AGBL4: variants seen among roughly 807,000 people sequenced by gnomAD.
AGBL4 encodes the protein AGBL carboxypeptidase 4, also known as cytosolic carboxypeptidase 6.
Under a neutral mutation model 66.4 loss-of-function variants are expected in AGBL4, and 58 were observed. The ratio of observed to expected loss-of-function variants is 0.87; its 90% CI spans 0.71 to 1.09. The LOEUF (loss-of-function observed/expected upper bound fraction) is 1.09, where lower values mean the gene tolerates loss of function less well. Ranked by LOEUF, AGBL4 falls within the 50% of genes least tolerant of loss-of-function variation. The probability of loss-of-function intolerance (pLI) is 0.00; values close to 1 mark genes in which losing one functional copy is unlikely to be tolerated. For missense variants in AGBL4, 579 were observed against 631.0 expected (o/e 0.92, Z 0.88); for synonymous variants, 234 against 222.9 (o/e 1.05, Z -0.44).
intron 3 of AGBL4, among the ~76,000 whole-genome samples, chr1:49,379,562 T>G (rs558635215): frequency 6.6e-6 from 1 of 152,284 alleles, no homozygotes; most frequent in Non-Finnish European, 1.5e-5. Context: ...CATCAATACC[T>G]AATTTATTGA....
At position 48,823,798 on chromosome 1, in the gene AGBL4, T is replaced by G. The variant is rs12088348; in HGVS notation, c.634+43393A>C. The stretch of plus-strand genomic sequence containing the variant: ...TACCAAAGCATGTGTAATGCATGGA[T>G]GAATAATTGAACAAATGAATGTTGA... On this transcript the variant is annotated intron_variant, in intron 6 of 13. Coordinates refer to ENST00000371839, the MANE Select transcript of AGBL4 (RefSeq NM_032785.4). Among the ~76,000 whole-genome samples, 300 of 152,362 alleles carry G rather than the reference T, an allele frequency of 2.0e-3. 5 individuals carry two copies. Among genetic ancestry groups the G allele is most frequent in the African/African-American group, 6.7e-3 (277 of 41,580 alleles).
At position 48,723,749 on chromosome 1, in the gene AGBL4, TA is replaced by T. The variant is rs531186523; in HGVS notation, c.635-60509del. ...CACCTATTAAGTGGGCAAAATAATTTAAAAAGTGGTCACACCCATTATATAT... is the reference window on the plus strand; with the variant it reads ...CACCTATTAAGTGGGCAAAATAATTTAAAAGTGGTCACACCCATTATATAT... On this transcript the variant is annotated intron_variant, in intron 6 of 13. Transcript: ENST00000371839. Among the ~76,000 whole-genome samples the T allele has an allele frequency of 6.5e-4, 99 of 152,330 alleles. 1 individual carries two copies. In the South Asian group the frequency reaches 8.7e-3, roughly 13 times the overall value.
intron 11 of AGBL4, among the ~76,000 whole-genome samples, chr1:48,545,885 A>G (rs1644150897): frequency 6.6e-6 from 1 of 152,202 alleles, no homozygotes; most frequent in Non-Finnish European, 1.5e-5. Context: ...TTTACTGTTC[A>G]TTCTCATTCA....
intron 6 of AGBL4, among the ~76,000 whole-genome samples, chr1:48,723,855 C>A (rs1647187494): frequency 6.6e-6 from 1 of 152,130 alleles, no homozygotes; most frequent in African/African-American, 2.4e-5. Context: ...GAAAAATCTT[C>A]ATCTGGGTTT....
chr1:49,938,437 T>C (rs1571912506), intron 1 of AGBL4, among the ~76,000 whole-genome samples: 1 of 152,316 alleles, frequency 6.6e-6, no homozygotes, highest in East Asian at 1.9e-4. Flanking sequence ...ACTGGTACCA[T>C]TCTTTCTGAA....
intron 4 of AGBL4, among the ~76,000 whole-genome samples, chr1:49,095,364 C>A (rs1645076730): frequency 6.6e-6 from 1 of 152,152 alleles, no homozygotes; most frequent in East Asian, 1.9e-4. Flanking sequence ...CAAAAACGAG[C>A]CCACATTGCC....
At chr1:49,362,857 G>A (rs1033919913) in intron 3 of AGBL4, among the ~76,000 whole-genome samples, 23 of 152,164 alleles carry the variant, frequency 1.5e-4, no homozygotes, top group African/African-American at 4.8e-4. Context: ...TCTGAGACAA[G>A]AGAAAATGTC....
At chr1:49,146,020 C>A (rs1646210720) in intron 4 of AGBL4, among the ~76,000 whole-genome samples, 1 of 152,096 alleles carries the variant, frequency 6.6e-6, no homozygotes, top group Non-Finnish European at 1.5e-5. Context: ...AGACAAGCAT[C>A]ACATATACTC....
At chr1:49,609,125 C>T (rs1645109856) in intron 3 of AGBL4, among the ~76,000 whole-genome samples, 2 of 152,050 alleles carry the variant, frequency 1.3e-5, no homozygotes, top group African/African-American at 2.4e-5. Context: ...AGAAAAGGTC[C>T]GCATTGTAAC....
Position 49,532,305 on chromosome 1 carries a change from G to A in AGBL4, c.282+165008C>T, listed in dbSNP as rs918428991. On this transcript the variant is annotated intron_variant, in intron 3 of 13. Coordinates refer to ENST00000371839, the MANE Select transcript of AGBL4 (RefSeq NM_032785.4). ...TTTTATTATATTATGCTGCAGTATA[G>A]CCTAGTTTGTCCTGATGATTACATA... 3.3e-5 allele frequency among the ~76,000 whole-genome samples: 5 copies of A among 152,234 alleles called. No individual in the cohort carries two copies. In the East Asian group the frequency reaches 9.6e-4, roughly 29 times the overall value.
chr1:49,465,827 A>G (rs1185118550), intron 3 of AGBL4, among the ~76,000 whole-genome samples: 1 of 151,870 alleles, frequency 6.6e-6, no homozygotes, highest in Non-Finnish European at 1.5e-5. Flanking sequence ...TCTGATGTTT[A>G]TTCCCCTCAA....
rs895154175 is a variant in AGBL4 at position 49,280,815 on chromosome 1, A to G, written c.283-34951T>C. 2.6e-5 allele frequency among the ~76,000 whole-genome samples: 4 copies of G among 152,346 alleles called. No individual in the cohort carries two copies. In the East Asian group the frequency reaches 7.7e-4, roughly 29 times the overall value. Reference sequence around the variant, plus strand: ...CTGAGGTTACACAGATCAGACATACATTGTTCTTGTCTTCAAATACTTTAC... The same window carrying G: ...CTGAGGTTACACAGATCAGACATACGTTGTTCTTGTCTTCAAATACTTTAC... On this transcript the variant is annotated intron_variant, in intron 3 of 13. Coordinates refer to ENST00000371839, the MANE Select transcript of AGBL4 (RefSeq NM_032785.4).
chr1:48,749,391 T>C (rs930912108), intron 6 of AGBL4, among the ~76,000 whole-genome samples: 13 of 152,166 alleles, frequency 8.5e-5, no homozygotes, highest in African/African-American at 3.1e-4. Flanking sequence ...AACACGTGTT[T>C]AGCGAAAGAA....
At chr1:50,016,591 C>T (rs926650953) in intron 1 of AGBL4, among the ~76,000 whole-genome samples, 11 of 151,928 alleles carry the variant, frequency 7.2e-5, no homozygotes, top group African/African-American at 9.7e-5. Flanking sequence ...TAATAAAAAG[C>T]GGGCAAAGGA....
chr1:48,722,057 CAG>C (rs976716830), intron 6 of AGBL4, among the ~76,000 whole-genome samples: 10 of 135,296 alleles, frequency 7.4e-5, no homozygotes, highest in Non-Finnish European at 1.1e-4. Flanking sequence ...ATAAGAGGAA[CAG>C]AGAGAGAGAA....
chr1:49,239,307 A>G (rs1251310411), intron 4 of AGBL4, among the ~76,000 whole-genome samples: 1 of 152,192 alleles, frequency 6.6e-6, no homozygotes, highest in Non-Finnish European at 1.5e-5. Context: ...TTTGGAGAAC[A>G]TGTATAACAG....
chr1:48,563,239 C>A (rs914094854), intron 11 of AGBL4, among the ~76,000 whole-genome samples: 3 of 152,206 alleles, frequency 2.0e-5, no homozygotes, highest in Admixed American at 1.3e-4. Flanking sequence ...TAATTAGCAT[C>A]ACTAGCAGCA....
intron 3 of AGBL4, among the ~76,000 whole-genome samples, chr1:49,584,346 T>G (rs186424020): frequency 6.6e-6 from 1 of 152,222 alleles, no homozygotes; most frequent in Non-Finnish European, 1.5e-5. Flanking sequence ...TTAAACGTCA[T>G]CTGGTATACC....
intron 4 of AGBL4, among the ~76,000 whole-genome samples, chr1:49,088,620 C>A (rs1044382414): frequency 6.6e-6 from 1 of 152,104 alleles, no homozygotes; most frequent in Non-Finnish European, 1.5e-5. Flanking sequence ...TAGAGACCTA[C>A]AAAGAGACTT....
Sources: gnomAD v4.1 joint callset for allele counts (sites outside exome capture counted in the v4.1 genomes callset) on GRCh38, gnomAD v4.1.1 for gene constraint, MANE v1.5 for transcripts, NCBI Gene and HGNC (gene_info 2026-07-23, HGNC 2026-07-21) for gene names.